Variants in DAB1 observed in about 807,000 individuals in gnomAD.
DAB1 encodes the protein DAB adaptor protein 1.
Under a neutral mutation model 64.6 loss-of-function variants are expected in DAB1, and 15 were observed. The observed-to-expected ratio is 0.23, with a 90% CI of 0.16 to 0.36. The LOEUF (loss-of-function observed/expected upper bound fraction) is 0.36. DAB1 is among the 10% of genes least tolerant of loss of function. DAB1 has a pLI of 1.00. For synonymous variants in DAB1, 235 were observed against 251.9 expected, an observed-to-expected ratio of 0.93 and a Z score of 0.64; for missense variants, 596 against 706.7, an observed-to-expected ratio of 0.84 and a Z score of 1.78.
intron 7 of DAB1, among the ~76,000 whole-genome samples, chr1:57,641,640 T>A (rs113560250): frequency 0.013 from 1,936 of 151,960 alleles, 19 homozygotes; most frequent in Non-Finnish European, 0.02. Context: ...CACCTCAGTC[T>A]CCCAAAGTGC....
chr1:57,232,284 CTTTTTTT>C (rs74940041), intron 2 of DAB1, among the ~76,000 whole-genome samples: 56 of 81,734 alleles, frequency 6.9e-4, no homozygotes, highest in South Asian at 8.7e-4. Flanking sequence ...GCAGTGGCCA[CTTTTTTT>C]TTTTTTTTTT....
At chr1:56,999,901 C>T (rs1178072021) in intron 14 of DAB1, among the ~76,000 whole-genome samples, 1 of 152,204 alleles carries the variant, frequency 6.6e-6, no homozygotes, top group African/African-American at 2.4e-5. Context: ...CCCTCCATGC[C>T]TTCTGCCCGT....
intron 2 of DAB1, among the ~76,000 whole-genome samples, chr1:57,189,083 C>T (rs2100996628): frequency 6.6e-6 from 1 of 152,278 alleles, no homozygotes; most frequent in African/African-American, 2.4e-5. Flanking sequence ...AGTCAACACC[C>T]TTGCTACCTC....
At chr1:57,984,242 AAGAAAGAAAGAAAGAAAG>A (rs1646149001) in intron 5 of DAB1, among the ~76,000 whole-genome samples, 2 of 148,242 alleles carry the variant, frequency 1.3e-5, no homozygotes, top group African/African-American at 5.0e-5. Flanking sequence ...GAAAGAAAGA[AAGAAAGAAAGAAAGAAAG>A]AAAAAAAATT....
Position 58,180,800 on chromosome 1 carries a change from G to C in DAB1, n.310-30212C>G, listed in dbSNP as rs576399291. Among the ~76,000 whole-genome samples the C allele has an allele frequency of 4.6e-5, 7 of 152,156 alleles. No homozygotes were observed. The East Asian group carries it at 1.4e-3, about 29-fold the overall frequency. On this transcript the variant is annotated intron_variant and non_coding_transcript_variant, in intron 4 of 20. Coordinates refer to the DAB1 transcript ENST00000485760. ...ATTTCCCAAATTTCTTTCACTTGTT[G>C]ATTTTAATGCGATACTGGTTTTGTT...
chr1:57,086,650 C>CACACACAT (rs1653105706), intron 4 of DAB1, among the ~76,000 whole-genome samples: 1 of 139,156 alleles, frequency 7.2e-6, no homozygotes, highest in African/African-American at 2.9e-5. Context: ...CTTAAACACA[C>CACACACAT]ACACACACAC....
intron 10 of DAB1, 65 bp from the exon 11 acceptor site, chr1:57,023,704 T>A (rs548595294): frequency 9.4e-7 from 1 of 1,061,842 alleles, no homozygotes; most frequent in East Asian, 2.4e-5. Flanking sequence ...GGCTGGGAGG[T>A]AGCAGATGCA....
intron 1 of DAB1, among the ~76,000 whole-genome samples, chr1:57,337,432 T>G (rs1677167827): frequency 6.6e-6 from 1 of 152,122 alleles, no homozygotes; most frequent in Non-Finnish European, 1.5e-5. Context: ...GCCCCAGGGA[T>G]CACAAGAGAA....
At chr1:57,750,452 C>T (rs775991572) in intron 6 of DAB1, among the ~76,000 whole-genome samples, 2 of 152,294 alleles carry the variant, frequency 1.3e-5, no homozygotes, top group East Asian at 3.9e-4. Context: ...GAGTGGCCCT[C>T]GGTTAGTCAG....
intron 7 of DAB1, among the ~76,000 whole-genome samples, chr1:57,550,684 T>A (rs1372989620): frequency 6.6e-6 from 1 of 152,170 alleles, no homozygotes; most frequent in Non-Finnish European, 1.5e-5. Context: ...TTCTCTTTAC[T>A]TCCTCTGCTC....
rs1186221366 is a variant in DAB1 at position 57,233,255 on chromosome 1, CTTTTTT to C, written c.67+57703_67+57708del. Among the ~76,000 whole-genome samples the C allele has an allele frequency of 3.1e-3, 187 of 60,796 alleles. 1 individual carries two copies. The highest frequency in any genetic ancestry group is 8.9e-3 in the African/African-American group (139 of 15,590). The allele number at this position is 60,796 out of a possible 152,430, so 39.9% of individuals were successfully genotyped here. The stretch of plus-strand genomic sequence containing the variant: ...TGCAGCTTCAAGCTTTGCTCCGATT[CTTTTTT>C]TTTTTTTTTTTTTTTTTTTGAGACG... On this transcript the variant is annotated intron_variant, in intron 2 of 14. Transcript: ENST00000371236.
At chr1:57,049,173 T>C (rs1173007544) in intron 9 of DAB1, among the ~76,000 whole-genome samples, 1 of 152,060 alleles carries the variant, frequency 6.6e-6, no homozygotes, top group Non-Finnish European at 1.5e-5. Context: ...GAAAGGCTGA[T>C]GTACAAACAG....
At chr1:57,522,560 C>T (rs1644541219) in intron 7 of DAB1, among the ~76,000 whole-genome samples, 1 of 152,134 alleles carries the variant, frequency 6.6e-6, no homozygotes, top group South Asian at 2.1e-4. Context: ...GGGGAGGCCT[C>T]ACAATCATGG....
intron 6 of DAB1, among the ~76,000 whole-genome samples, chr1:57,754,229 G>A (rs1244814275): frequency 1.3e-5 from 2 of 152,126 alleles, no homozygotes; most frequent in Non-Finnish European, 2.9e-5. Context: ...TACTACATAC[G>A]TGGGCATTAT....
intron 7 of DAB1, among the ~76,000 whole-genome samples, chr1:57,445,039 A>C (rs1465450328): frequency 6.6e-6 from 1 of 152,240 alleles, no homozygotes; most frequent in Non-Finnish European, 1.5e-5. Context: ...AATACAAAAC[A>C]GTTGGTGCTC....
At chr1:57,401,395 C>A (rs1683230662) in intron 1 of DAB1, among the ~76,000 whole-genome samples, 2 of 152,158 alleles carry the variant, frequency 1.3e-5, no homozygotes. Flanking sequence ...AATGAAAAAA[C>A]ATATATGAAA....
At chr1:58,025,645 A>G (rs867206653) in intron 5 of DAB1, among the ~76,000 whole-genome samples, 12 of 79,304 alleles carry the variant, frequency 1.5e-4, no homozygotes, top group South Asian at 3.6e-4. Context: ...TTATATATAT[A>G]TGTGTGTATA....
intron 7 of DAB1, among the ~76,000 whole-genome samples, chr1:57,581,715 ATAT>A (rs1011623390): frequency 3.4e-5 from 5 of 148,504 alleles, no homozygotes; most frequent in South Asian, 2.1e-4. Flanking sequence ...TAAATCTAAT[ATAT>A]TATTATATAA....
intron 4 of DAB1, among the ~76,000 whole-genome samples, chr1:58,188,311 G>T (rs1270773795): frequency 6.6e-6 from 1 of 152,198 alleles, no homozygotes; most frequent in East Asian, 1.9e-4. Flanking sequence ...TTTGCTATTT[G>T]GTTCTTTACA....
Sources: gnomAD v4.1 joint callset for allele counts (sites outside exome capture counted in the v4.1 genomes callset) on GRCh38, gnomAD v4.1.1 for gene constraint, MANE v1.5 for transcripts, NCBI Gene and HGNC (gene_info 2026-07-23, HGNC 2026-07-21) for gene names.